DCAF10: variants seen among roughly 807,000 people sequenced by gnomAD.
The protein encoded by DCAF10 is DDB1 and CUL4 associated factor 10.
A neutral mutation model predicts 51.9 loss-of-function variants in DCAF10; 19 were observed. The ratio of observed to expected loss-of-function variants is 0.37; its 90% CI spans 0.26 to 0.54. The LOEUF (loss-of-function observed/expected upper bound fraction) is 0.54, where lower values mean the gene tolerates loss of function less well. DCAF10 is among the 20% of genes least tolerant of loss of function. The probability of loss-of-function intolerance (pLI) is 0.87; values close to 1 mark genes in which losing one functional copy is unlikely to be tolerated. For synonymous variants in DCAF10, 291 were observed against 297.1 expected (o/e 0.98, Z 0.21); for missense variants, 510 against 730.6 (o/e 0.70, Z 3.48).
chr9:37,842,863 CCT>C (rs769571386), intron 3 of DCAF10, among the ~76,000 whole-genome samples: 14 of 152,148 alleles, frequency 9.2e-5, no homozygotes, highest in Non-Finnish European at 1.3e-4. Flanking sequence ...GCCAGTTATG[CCT>C]CTGTTGTGCA....
At chr9:37,821,090 C>CATATATATATATATATAT (rs144524647) in intron 2 of DCAF10, among the ~76,000 whole-genome samples, 143 of 150,418 alleles carry the variant, frequency 9.5e-4, no homozygotes, top group African/African-American at 3.4e-3. Flanking sequence ...CATATACAAA[C>CATATATATATATATATAT]ATATATATAT....
intron 1 of DCAF10, among the ~76,000 whole-genome samples, chr9:37,810,939 A>G (rs1442780072): frequency 6.6e-6 from 1 of 152,156 alleles, no homozygotes; most frequent in African/African-American, 2.4e-5. Flanking sequence ...CCAGCTTCAA[A>G]TAATCTCATT....
chr9:37,811,263 T>C (rs1329357422), intron 1 of DCAF10, among the ~76,000 whole-genome samples: 7 of 151,606 alleles, frequency 4.6e-5, no homozygotes, highest in African/African-American at 1.7e-4. Flanking sequence ...GCCCAGGCGT[T>C]TGAGGTTACA....
At chr9:37,852,558 AC>A (rs771040635) in intron 3 of DCAF10, among the ~76,000 whole-genome samples, 2 of 152,098 alleles carry the variant, frequency 1.3e-5, no homozygotes, top group Non-Finnish European at 2.9e-5. Context: ...TGATTATGCC[AC>A]TGCACCCCAG....
At chr9:37,806,872 G>C (rs1829130163) in intron 1 of DCAF10, among the ~76,000 whole-genome samples, 1 of 152,122 alleles carries the variant, frequency 6.6e-6, no homozygotes, top group African/African-American at 2.4e-5. Context: ...CTGTCTACCA[G>C]ACACATTTAG....
rs58660288 is a variant in DCAF10 at position 37,814,080 on chromosome 9, CTATATATATATATATATATATATA to C, written c.540-5184_540-5161del. Among the ~76,000 whole-genome samples, 299 of 47,106 alleles carry C rather than the reference CTATATATATATATATATATATATA, an allele frequency of 6.3e-3. 6 individuals are homozygous for C. The highest frequency in any genetic ancestry group is 8.7e-3 in the Non-Finnish European group (218 of 25,180). 30.9% of individuals were successfully genotyped at this position (47,106 alleles called of 152,430 possible). On this transcript the variant is annotated intron_variant, in intron 1 of 6. Coordinates refer to ENST00000377724, the MANE Select transcript of DCAF10 (RefSeq NM_024345.5). ...TGAACCACTTTGAAACTATTTGTCA[CTATATATATATATATATATATATA>C]TATATATATATATATATATATATTT...
intron 3 of DCAF10, among the ~76,000 whole-genome samples, chr9:37,854,359 T>C (rs1442739798): frequency 6.6e-6 from 1 of 152,118 alleles, no homozygotes; most frequent in East Asian, 1.9e-4. Flanking sequence ...CCTCCTGCCT[T>C]GGTCTCTCAA....
intron 1 of DCAF10, among the ~76,000 whole-genome samples, chr9:37,803,685 T>C (rs1829026263): frequency 7.0e-6 from 1 of 142,544 alleles, no homozygotes; most frequent in Non-Finnish European, 1.5e-5. Flanking sequence ...TACATTTGTG[T>C]AGGACTTAAA....
chr9:37,811,021 A>G (rs974941443), intron 1 of DCAF10, among the ~76,000 whole-genome samples: 2 of 152,160 alleles, frequency 1.3e-5, no homozygotes, highest in African/African-American at 2.4e-5. Context: ...ATTAAAGATG[A>G]ATCTTCTATG....
intron 2 of DCAF10, among the ~76,000 whole-genome samples, chr9:37,827,358 AAAAC>A (rs1449581230): frequency 3.3e-5 from 5 of 152,188 alleles, no homozygotes; most frequent in Admixed American, 3.3e-4. Context: ...GGGGGTCTCA[AAAAC>A]AAGCAAGCAA....
upstream of DCAF10, chr9:37,800,780 T>C (rs1050182359): frequency 4.6e-6 from 7 of 1,521,122 alleles, no homozygotes; most frequent in African/African-American, 6.9e-5. Context: ...GTTAGGCCGC[T>C]GCACGCCGGA....
chr9:37,830,108 C>T (rs1213170063), intron 2 of DCAF10, among the ~76,000 whole-genome samples: 5 of 152,016 alleles, frequency 3.3e-5, no homozygotes, highest in South Asian at 2.1e-4. Flanking sequence ...AAGTTGGAAA[C>T]GAATGTCTAT....
At chr9:37,841,606 A>G (rs1187113805) in intron 2 of DCAF10, among the ~76,000 whole-genome samples, 1 of 152,132 alleles carries the variant, frequency 6.6e-6, no homozygotes, top group Non-Finnish European at 1.5e-5. Context: ...TTTTATAGCA[A>G]TTTTTGTATG....
At chr9:37,859,954 C>T in intron 5 of DCAF10, 94 bp from the exon 6 acceptor site, 1 of 1,433,910 alleles carries the variant, frequency 7.0e-7, no homozygotes. Context: ...GGAATGACGG[C>T]ATGGGAGGTG....
chr9:37,839,539 C>T (rs772704797), intron 2 of DCAF10, among the ~76,000 whole-genome samples: 7 of 152,118 alleles, frequency 4.6e-5, no homozygotes, highest in Non-Finnish European at 1.0e-4. Flanking sequence ...CACGCTTGGC[C>T]AGGAAATGTA....
At chr9:37,816,693 T>C (rs1829549777) in intron 1 of DCAF10, among the ~76,000 whole-genome samples, 1 of 152,034 alleles carries the variant, frequency 6.6e-6, no homozygotes, top group South Asian at 2.1e-4. Context: ...TGTGTGTGTA[T>C]ACATAAATTG....
intron 1 of DCAF10, among the ~76,000 whole-genome samples, chr9:37,806,761 A>G (rs12341480): frequency 6.6e-6 from 1 of 152,186 alleles, no homozygotes; most frequent in African/African-American, 2.4e-5. Flanking sequence ...CCCATTATTT[A>G]GATAGGATAA....
chr9:37,860,664 C>G (rs1830988770), intron 6 of DCAF10, among the ~76,000 whole-genome samples: 1 of 151,994 alleles, frequency 6.6e-6, no homozygotes, highest in South Asian at 2.1e-4. Flanking sequence ...ATACTGATGA[C>G]TAGGGGGAAA....
At chr9:37,846,132 C>G (rs1830465253) in intron 3 of DCAF10, among the ~76,000 whole-genome samples, 1 of 151,506 alleles carries the variant, frequency 6.6e-6, no homozygotes, top group Non-Finnish European at 1.5e-5. Context: ...GAAATTGAAC[C>G]CTACATTATA....
Sources: gnomAD v4.1 joint callset for allele counts (sites outside exome capture counted in the v4.1 genomes callset) on GRCh38, gnomAD v4.1.1 for gene constraint, MANE v1.5 for transcripts, NCBI Gene and HGNC (gene_info 2026-07-23, HGNC 2026-07-21) for gene names.